STAT3: variants seen among roughly 807,000 people sequenced by gnomAD.
STAT3 encodes the protein DNA-binding protein APRF.
A neutral mutation model predicts 114.3 loss-of-function variants in STAT3; 7 were observed. The ratio of observed to expected loss-of-function variants is 0.06; its 90% CI spans 0.03 to 0.11. The LOEUF is 0.11. Ranked by LOEUF, STAT3 falls within the 10% of genes least tolerant of loss-of-function variation. The pLI is 1.00. For missense variants in STAT3, 364 were observed against 960.9 expected (o/e 0.38, Z 8.21); for synonymous variants, 331 against 354.5 (o/e 0.93, Z 0.74).
rs745383889 is a variant in STAT3, at chr17:42,324,920, G to A, written c.1464+43C>T. The stretch of plus-strand genomic sequence containing the variant: ...TGTCTATACTAGGTACCCCTAAGTC[G>A]CAAGAGATCCCGGGGCACCAACTAA... On this transcript the variant is annotated intron_variant, in intron 16 of 23. Transcript: ENST00000264657. The surrounding 1 kb of genome is among the most constrained non-coding windows in gnomAD (Gnocchi z 4.5). 30 of 1,613,942 alleles carry A rather than the reference G, an allele frequency of 1.9e-5. No individual in the cohort carries two copies. The highest frequency in any genetic ancestry group is 1.6e-4 in the African/African-American group (12 of 74,918).
chr17:42,316,816 C>T lies in STAT3; in HGVS notation c.2230G>A (p.Ala744Thr). The T allele has an allele frequency of 6.2e-7, 1 of 1,613,908 alleles. No individual in the cohort carries two copies. The highest frequency in any genetic ancestry group is 8.5e-7 in the Non-Finnish European group (1 of 1,179,990). Residue 744 changes from alanine to threonine, a missense_variant, in exon 23 of 24, where the codon GCT becomes ACT. By Grantham distance (58) the Ala-to-Thr change is moderately conservative (BLOSUM62 0). Transcript: ENST00000264657. ...AACTGCCCTCCTGCTGAGGGTTCAG[C>T]ACCTTCACCATTATTTCCAAACTGC... ...LMQFGNNGEG[A>T]EPSAGGQFES...
chr17:42,318,069 T>C (rs1389672801), intron 21 of STAT3, among the ~76,000 whole-genome samples: 1 of 151,930 alleles, frequency 6.6e-6, no homozygotes, highest in Admixed American at 6.6e-5. Flanking sequence ...TCTCCTGCCT[T>C]AGGCTCCCAA....
In STAT3 at chr17:42,323,156, A is replaced by G; in HGVS notation, c.1749-13T>C. On this transcript the variant is annotated splice_polypyrimidine_tract_variant and intron_variant, in intron 19 of 23. Coordinates refer to ENST00000264657, the MANE Select transcript of STAT3 (RefSeq NM_139276.3). Reference sequence around the variant, plus strand: ...GCCCATGATGTACCTGGAGCCAAGGAGGAGGAACAATGTTGTTATTGCTAA... The same window carrying G: ...GCCCATGATGTACCTGGAGCCAAGGGGGAGGAACAATGTTGTTATTGCTAA... 1 of 1,614,192 alleles carries G rather than the reference A, an allele frequency of 6.2e-7. No homozygotes were observed. The highest frequency in any genetic ancestry group is 8.5e-7 in the Non-Finnish European group (1 of 1,180,026).
intron 2 of STAT3, 36 bp downstream of exon 2, chr17:42,348,353 C>T (rs773498101): frequency 4.3e-6 from 7 of 1,613,566 alleles, no homozygotes. Flanking sequence ...CAAACTGAAA[C>T]CTAACAATTT....
intron 1 of STAT3, among the ~76,000 whole-genome samples, chr17:42,356,513 TTG>T (rs139622440): frequency 0.019 from 2,819 of 148,378 alleles, 93 homozygotes; most frequent in African/African-American, 0.063. Context: ...CAGAATGTGT[TTG>T]TGTGTGTGTA....
At chr17:42,377,009 C>T (rs978985957) in intron 1 of STAT3, among the ~76,000 whole-genome samples, 5 of 152,102 alleles carry the variant, frequency 3.3e-5, no homozygotes, top group African/African-American at 1.2e-4. Context: ...ATACATATTA[C>T]GATTAAAACA....
intron 1 of STAT3, among the ~76,000 whole-genome samples, chr17:42,386,219 T>G (rs975778277): frequency 1.3e-5 from 2 of 150,022 alleles, no homozygotes; most frequent in Non-Finnish European, 3.0e-5. Flanking sequence ...AGGCAGAGGT[T>G]GCAGTGAGCC....
chr17:42,380,062 T>A (rs563350969), intron 1 of STAT3, among the ~76,000 whole-genome samples: 17 of 152,224 alleles, frequency 1.1e-4, no homozygotes, highest in East Asian at 3.9e-4. Context: ...TGTGACGGAG[T>A]CTTGCTCTGT....
chr17:42,346,928 C>T (rs932340372), intron 2 of STAT3, among the ~76,000 whole-genome samples: 3 of 152,060 alleles, frequency 2.0e-5, no homozygotes, highest in African/African-American at 7.2e-5. Flanking sequence ...GTGGCTCATG[C>T]CTGTAATCCC....
intron 1 of STAT3, chr17:42,387,494 T>C (rs1431089840): frequency 6.6e-6 from 1 of 152,222 alleles, no homozygotes; most frequent in Non-Finnish European, 1.5e-5. Context: ...CTCAATTATT[T>C]ATCTTCTGGC....
chr17:42,370,828 GGAACTCCTGACCTCAGGT>G (rs2084082989), intron 1 of STAT3, among the ~76,000 whole-genome samples: 1 of 145,398 alleles, frequency 6.9e-6, no homozygotes, highest in Admixed American at 6.9e-5. Flanking sequence ...AGGCTGGTCT[GGAACTCCTGACCTCAGGT>G]GATCCACCCA....
At chr17:42,318,973 G>A (rs771991838) in intron 21 of STAT3, among the ~76,000 whole-genome samples, 1 of 152,236 alleles carries the variant, frequency 6.6e-6, no homozygotes, top group Non-Finnish European at 1.5e-5. Flanking sequence ...AGGCACAGTG[G>A]CTCATGCCTG....
At chr17:42,327,628 G>A (rs1461634054) in intron 14 of STAT3, among the ~76,000 whole-genome samples, 1 of 152,192 alleles carries the variant, frequency 6.6e-6, no homozygotes, top group East Asian at 1.9e-4. Flanking sequence ...TCCTGGGAAT[G>A]GCACCGTTGG....
chr17:42,335,686 G>C (rs1041061823), intron 8 of STAT3, among the ~76,000 whole-genome samples: 31 of 152,080 alleles, frequency 2.0e-4, no homozygotes, highest in Admixed American at 3.9e-4. Context: ...GAGAGGCCGA[G>C]GCAGGTCGAT....
At chr17:42,335,181 G>A (rs2082181834) in intron 8 of STAT3, among the ~76,000 whole-genome samples, 1 of 151,066 alleles carries the variant, frequency 6.6e-6, no homozygotes, top group African/African-American at 2.4e-5. Flanking sequence ...GCAGTGCAAT[G>A]GCATGATCAT....
chr17:42,337,461 G>A lies in STAT3; in HGVS notation c.771C>T (p.Asn257=). Residue 257 remains asparagine, a synonymous_variant, in exon 8 of 24, where the codon AAC becomes AAT. Transcript: ENST00000264657. The surrounding 1 kb of genome is among the most constrained non-coding windows in gnomAD (Gnocchi z 4.0). ...QQIACIGGPP[N]ICLDRLENWI... ...AGTTTTCTAGCCGATCTAGGCAGATGTTGGGCGGGCCTCCAATGCAGGCAA... is the reference window on the plus strand; with the variant it reads ...AGTTTTCTAGCCGATCTAGGCAGATATTGGGCGGGCCTCCAATGCAGGCAA... 1.9e-6 allele frequency: 3 copies of A among 1,614,216 alleles called. No individual in the cohort carries two copies. The highest frequency in any genetic ancestry group is 2.5e-6 in the Non-Finnish European group (3 of 1,180,038).
intron 1 of STAT3, among the ~76,000 whole-genome samples, chr17:42,378,990 G>A (rs938082563): frequency 6.6e-6 from 1 of 152,178 alleles, no homozygotes; most frequent in African/African-American, 2.4e-5. Flanking sequence ...TAATAAAAAT[G>A]AGAGGTCAGA....
chr17:42,371,998 AAACC>A (rs1392363713), intron 1 of STAT3, among the ~76,000 whole-genome samples: 5 of 152,156 alleles, frequency 3.3e-5, no homozygotes, highest in African/African-American at 7.2e-5. Context: ...TCTCCAAAAA[AAACC>A]AATTTTAATA....
chr17:42,318,927 G>A (rs887221497), intron 21 of STAT3, among the ~76,000 whole-genome samples: 9 of 152,110 alleles, frequency 5.9e-5, no homozygotes, highest in Non-Finnish European at 1.0e-4. Context: ...AGACAGAAAA[G>A]GATTTAATTC....
Sources: gnomAD v4.1 joint callset for allele counts (sites outside exome capture counted in the v4.1 genomes callset) on GRCh38, gnomAD v4.1.1 for gene constraint, Gnocchi (gnomAD v3.1) non-coding constraint, MANE v1.5 for transcripts, NCBI Gene and HGNC (gene_info 2026-07-23, HGNC 2026-07-21) for gene names.